The following AZIN1 variants were observed in gnomAD, a reference collection of about 807,000 sequenced individuals.
AZIN1 encodes the protein antizyme inhibitor 1, also known as ornithine decarboxylase antizyme inhibitor.
In AZIN1, 12 loss-of-function variants were observed where a neutral mutation model predicts 47.4. The observed-to-expected ratio is 0.25, with a 90% CI of 0.16 to 0.41. The LOEUF (loss-of-function observed/expected upper bound fraction) is 0.41, where lower values mean the gene tolerates loss of function less well. Among genes scored for constraint, AZIN1 ranks in the 10% least tolerant of loss-of-function variants. The pLI is 1.00. For synonymous variants in AZIN1, 155 were observed against 176.3 expected, an observed-to-expected ratio of 0.88 and a Z score of 0.96; for missense variants, 410 against 532.4, an observed-to-expected ratio of 0.77 and a Z score of 2.26.
chr8:102,834,376 A>C (rs1811682336), intron 7 of AZIN1, 113 bp from the exon 8 acceptor site: 1 of 828,878 alleles, frequency 1.2e-6, no homozygotes, highest in Admixed American at 2.7e-5. Context: ...TTAGTACAGC[A>C]AATTCTTGGT....
chr8:102,828,492 TATTTTTCCACACTGG>T lies in AZIN1; in HGVS notation c.*60_*74del. 1.0e-6 allele frequency: 1 copy of T among 964,216 alleles called. No homozygotes were observed. The highest frequency in any genetic ancestry group is 1.8e-5 in the South Asian group (1 of 56,402). 59.7% of individuals were successfully genotyped at this position (964,216 alleles called of 1,614,324 possible). The stretch of plus-strand genomic sequence containing the variant: ...ATTAAGAGAATAAGATTGTTTAAAT[TATTTTTCCACACTGG>T]AATGTTGACCAGACAAGCTTAACCT... On this transcript the variant is annotated 3_prime_UTR_variant, in exon 12 of 12. Coordinates refer to ENST00000337198, the MANE Select transcript of AZIN1 (RefSeq NM_148174.4).
In AZIN1 at chr8:102,839,818, C is replaced by T; in HGVS notation, c.108G>A (p.Gly36=). The part of the protein sequence containing the change: ...DNYVYEHTLT[G]KNAFFVGDLG... ...GATCTCCCACAAAAAATGCATTTTT[C>T]CCTGTCTATTATGGTTATAAAAAAA... Residue 36 remains glycine (G), a synonymous_variant, in exon 4 of 12, where the codon GGG becomes GGA. Coordinates refer to ENST00000337198, the MANE Select transcript of AZIN1 (RefSeq NM_148174.4). The T allele has an allele frequency of 6.3e-7, 1 of 1,590,866 alleles. No individual in the cohort carries two copies. Among genetic ancestry groups the T allele is most frequent in the Non-Finnish European group, 8.5e-7 (1 of 1,169,970 alleles).
chr8:102,857,720 TTGAA>T (rs1281063378), intron 2 of AZIN1, among the ~76,000 whole-genome samples: 1 of 152,080 alleles, frequency 6.6e-6, no homozygotes, highest in Non-Finnish European at 1.5e-5. Context: ...AGTTAAATGG[TTGAA>T]TGATGTGATA....
At chr8:102,863,180 C>G (rs1011331827) in intron 1 of AZIN1, among the ~76,000 whole-genome samples, 1 of 152,128 alleles carries the variant, frequency 6.6e-6, no homozygotes, top group Non-Finnish European at 1.5e-5. Flanking sequence ...CGCCAGGCCC[C>G]AAGTGGCGTC....
chr8:102,856,084 GTTTTTTTTGT>G (rs1247782989), intron 2 of AZIN1: 1 of 134,078 alleles, frequency 7.5e-6, no homozygotes, highest in Non-Finnish European at 1.5e-5. Flanking sequence ...TCCAGGTCAA[GTTTTTTTTGT>G]TTTTTTTTTT....
At chr8:102,863,713 T>C (rs1813919660) in intron 1 of AZIN1, 94 bp downstream of exon 1, 2 of 151,360 alleles carry the variant, frequency 1.3e-5, no homozygotes, top group East Asian at 3.9e-4. Context: ...GGGGACGTCT[T>C]AAGGGCGGCG....
chr8:102,830,550 A>G (rs1287491584), intron 9 of AZIN1, among the ~76,000 whole-genome samples: 1 of 152,010 alleles, frequency 6.6e-6, no homozygotes, highest in Non-Finnish European at 1.5e-5. Flanking sequence ...TATATGCACA[A>G]GGAGTTAAAT....
chr8:102,864,139 G>A lies in AZIN1; in HGVS notation c.-566C>T, dbSNP rs891485938. 2 of 171,026 alleles carry A rather than the reference G, an allele frequency of 1.2e-5. No individual in the cohort carries two copies. The highest frequency in any genetic ancestry group is 2.4e-5 in the African/African-American group (1 of 41,564). 10.6% of individuals were successfully genotyped at this position (171,026 alleles called of 1,614,324 possible). A position where few individuals can be genotyped will look rare whatever the true frequency, so the allele number is the denominator to read the frequency against. ...GGCAGAAGAAAAAAGGAAAAACTGC[G>A]GCCGCGATCAGAGCCTGAAAGTGTG... On this transcript the variant is annotated 5_prime_UTR_variant, in exon 1 of 12. Transcript: ENST00000337198.
chr8:102,851,355 A>G (rs1289304423), intron 2 of AZIN1, among the ~76,000 whole-genome samples: 2 of 152,232 alleles, frequency 1.3e-5, no homozygotes, highest in East Asian at 3.8e-4. Context: ...AGGAAAACAT[A>G]TAGAATACAT....
At chr8:102,857,412 C>T (rs1269583020) in intron 2 of AZIN1, among the ~76,000 whole-genome samples, 1 of 152,084 alleles carries the variant, frequency 6.6e-6, no homozygotes, top group East Asian at 1.9e-4. Context: ...TGAACCCACA[C>T]AAATCTAGTA....
At chr8:102,830,804 A>G (rs1434235) in intron 9 of AZIN1, among the ~76,000 whole-genome samples, 57,139 of 152,052 alleles carry the variant, frequency 0.38, 11,697 homozygotes, top group South Asian at 0.46. Context: ...ATCAGAGAGC[A>G]GGAGGAGCAA....
chr8:102,854,997 C>T (rs1813191941), intron 2 of AZIN1, among the ~76,000 whole-genome samples: 1 of 152,144 alleles, frequency 6.6e-6, no homozygotes, highest in South Asian at 2.1e-4. Context: ...AAACCTACAA[C>T]CAAAATAAAT....
intron 3 of AZIN1, among the ~76,000 whole-genome samples, chr8:102,841,936 C>T (rs1812220446): frequency 6.6e-6 from 1 of 151,548 alleles, no homozygotes; most frequent in Admixed American, 6.6e-5. Context: ...CACGGTGAAA[C>T]CCTGTCTCTA....
At chr8:102,841,429 C>T (rs1812172393) in intron 3 of AZIN1, among the ~76,000 whole-genome samples, 1 of 152,088 alleles carries the variant, frequency 6.6e-6, no homozygotes, top group Non-Finnish European at 1.5e-5. Context: ...TTATATCTGA[C>T]CCCCGAAAAG....
intron 2 of AZIN1, chr8:102,854,607 A>ATATAT (rs1554583711): frequency 3.9e-5 from 5 of 128,858 alleles, no homozygotes; most frequent in East Asian, 4.7e-4. Flanking sequence ...AAAAAAAAAA[A>ATATAT]ATATATATAT....
At chr8:102,842,099 G>A (rs1472356331) in intron 3 of AZIN1, among the ~76,000 whole-genome samples, 1 of 151,094 alleles carries the variant, frequency 6.6e-6, no homozygotes, top group Non-Finnish European at 1.5e-5. Flanking sequence ...CAACAAGAGT[G>A]AAACTTCGTC....
chr8:102,831,641 C>CAAAA (rs35860063), intron 9 of AZIN1, among the ~76,000 whole-genome samples: 7 of 83,826 alleles, frequency 8.4e-5, no homozygotes, highest in African/African-American at 3.4e-4. Flanking sequence ...AAAACAGTCT[C>CAAAA]AAAAAAAAAA....
rs1811211568 is a variant in AZIN1 at position 102,828,217 on chromosome 8, C to A, written c.*350G>T. 1 of 163,888 alleles carries A rather than the reference C, an allele frequency of 6.1e-6. No individual in the cohort carries two copies. Among genetic ancestry groups the A allele is most frequent in the African/African-American group, 2.4e-5 (1 of 41,910 alleles). 10.2% of individuals were successfully genotyped at this position (163,888 alleles called of 1,614,324 possible). On this transcript the variant is annotated 3_prime_UTR_variant, in exon 12 of 12. Transcript: ENST00000337198. ...ACTTTACAAGACTTTAAACACAAATCCTTAGTATAAAAACTGTGTTCTTGT... is the reference window on the plus strand; with the variant it reads ...ACTTTACAAGACTTTAAACACAAATACTTAGTATAAAAACTGTGTTCTTGT...
At chr8:102,862,707 T>G (rs539837277) in intron 1 of AZIN1, among the ~76,000 whole-genome samples, 1 of 152,192 alleles carries the variant, frequency 6.6e-6, no homozygotes, top group Non-Finnish European at 1.5e-5. Flanking sequence ...TTTGAGTCCT[T>G]AGATTCCCAC....
Sources: gnomAD v4.1 joint callset for allele counts (sites outside exome capture counted in the v4.1 genomes callset) on GRCh38, gnomAD v4.1.1 for gene constraint, MANE v1.5 for transcripts, NCBI Gene and HGNC (gene_info 2026-07-23, HGNC 2026-07-21) for gene names.